Variants in KCNJ16 observed in about 807,000 individuals in gnomAD.
KCNJ16 encodes the protein inward rectifier potassium channel 16.
A neutral mutation model predicts 18.5 loss-of-function variants in KCNJ16; 15 were observed. That is an observed-to-expected ratio of 0.81 (90% CI 0.54 to 1.25). The LOEUF is 1.25. KCNJ16 is among the 50% of genes most tolerant of loss of function. The pLI is 0.00. For synonymous variants in KCNJ16, 174 were observed against 186.5 expected, an observed-to-expected ratio of 0.93 and a Z score of 0.55; for missense variants, 523 against 525.7, an observed-to-expected ratio of 0.99 and a Z score of 0.05.
At chr17:70,122,519 A>G (rs1598169731) in intron 2 of KCNJ16, among the ~76,000 whole-genome samples, 1 of 152,244 alleles carries the variant, frequency 6.6e-6, no homozygotes, top group South Asian at 2.1e-4. Flanking sequence ...ATTTTCACTG[A>G]TTTTTGTTGT....
chr17:70,076,580 C>T (rs112596226), intron 1 of KCNJ16, among the ~76,000 whole-genome samples: 6,539 of 152,158 alleles, frequency 0.043, 120 homozygotes, highest in Middle Eastern at 0.061. Flanking sequence ...AGACTGACAA[C>T]CTTTGAAACT....
intron 1 of KCNJ16, among the ~76,000 whole-genome samples, chr17:70,092,495 TA>T (rs1184620855): frequency 2.8e-5 from 1 of 35,842 alleles, no homozygotes. Context: ...AACCAATAGA[TA>T]GATAGATAGA....
At chr17:70,102,591 A>T (rs533475582) in intron 2 of KCNJ16, among the ~76,000 whole-genome samples, 2 of 152,300 alleles carry the variant, frequency 1.3e-5, no homozygotes, top group South Asian at 2.1e-4. Context: ...TAACTAAAAA[A>T]ATCAGTTGGC....
At chr17:70,112,881 C>T (rs1248157317) in intron 2 of KCNJ16, among the ~76,000 whole-genome samples, 3 of 152,140 alleles carry the variant, frequency 2.0e-5, no homozygotes, top group Admixed American at 2.0e-4. Flanking sequence ...GTTCTGGATG[C>T]AGGAAACCTA....
intron 1 of KCNJ16, among the ~76,000 whole-genome samples, chr17:70,076,639 C>T (rs1375790170): frequency 6.6e-6 from 1 of 152,092 alleles, no homozygotes; most frequent in African/African-American, 2.4e-5. Flanking sequence ...TATTTTAATG[C>T]ATTTTTCTCA....
chr17:70,130,972 A>C lies in KCNJ16; in HGVS notation c.-97A>C. ...GGCCTATTATACCATGGATGCTAAA[A>C]ATGGTAAGAGCTGCATGTTCTGCCT... On this transcript the variant is annotated 5_prime_UTR_variant, in exon 3 of 4. Transcript: ENST00000392671. The C allele has an allele frequency of 2.0e-6, 3 of 1,535,756 alleles. No homozygotes were observed.
intron 1 of KCNJ16, among the ~76,000 whole-genome samples, chr17:70,079,974 A>T (rs866107034): frequency 1.3e-5 from 2 of 152,342 alleles, no homozygotes; most frequent in Middle Eastern, 6.8e-3. Flanking sequence ...AAGTGCTGGG[A>T]TTACAGGCGT....
intron 1 of KCNJ16, among the ~76,000 whole-genome samples, chr17:70,100,342 T>C (rs992430500): frequency 5.9e-5 from 9 of 152,228 alleles, no homozygotes; most frequent in Admixed American, 2.6e-4. Flanking sequence ...ATCAGAAGAA[T>C]AGTGGTACAG....
intron 1 of KCNJ16, among the ~76,000 whole-genome samples, chr17:70,079,991 C>A (rs894232482): frequency 2.0e-5 from 3 of 152,196 alleles, no homozygotes; most frequent in Non-Finnish European, 4.4e-5. Flanking sequence ...GCGTGAGCAA[C>A]CACATCTGGC....
intron 2 of KCNJ16, among the ~76,000 whole-genome samples, chr17:70,127,401 A>G (rs2073891688): frequency 6.6e-6 from 1 of 152,118 alleles, no homozygotes. Context: ...ATGTCTTAGG[A>G]GGATTCCAGG....
chr17:70,115,279 T>C (rs1409466227), intron 2 of KCNJ16, among the ~76,000 whole-genome samples: 3 of 152,122 alleles, frequency 2.0e-5, no homozygotes, highest in Non-Finnish European at 1.5e-5. Context: ...CACTATACTA[T>C]ACTGCTTGTA....
Position 70,132,113 on chromosome 17 carries a change from AT to A in KCNJ16, c.27del (p.His9GlnfsTer18). The A allele has an allele frequency of 6.2e-7, 1 of 1,614,254 alleles. No homozygotes were observed. The highest frequency in any genetic ancestry group is 8.5e-7 in the Non-Finnish European group (1 of 1,180,038). MSYYGSSY[H>X]IINADAKYPG... Reference sequence around the variant, plus strand: ...ATGAGCTATTACGGCAGCAGCTATCATATTATCAATGCGGACGCAAAATACC... The same window carrying A: ...ATGAGCTATTACGGCAGCAGCTATCAATTATCAATGCGGACGCAAAATACC... On this transcript the variant is annotated frameshift_variant, in exon 4 of 4. Transcript: ENST00000392671. LOFTEE classifies it high-confidence loss of function.
intron 2 of KCNJ16, among the ~76,000 whole-genome samples, chr17:70,119,836 C>T (rs1205360701): frequency 6.6e-6 from 1 of 151,372 alleles, no homozygotes; most frequent in African/African-American, 2.5e-5. Context: ...CACTTGGCTC[C>T]CTTTTAGTTA....
chr17:70,130,790 A>AT, intron 2 of KCNJ16, 89 bp from the exon 3 acceptor site: 1 of 647,190 alleles, frequency 1.5e-6, no homozygotes, highest in Non-Finnish European at 2.7e-6. Context: ...CCCATCTAGC[A>AT]CAGGTAGACT....
chr17:70,131,962 A>C, intron 3 of KCNJ16, 33 bp from the exon 4 acceptor site: 2 of 1,523,752 alleles, frequency 1.3e-6, no homozygotes, highest in South Asian at 1.2e-5. Context: ...ATTGAAAGCT[A>C]AAAAGTGTGT....
chr17:70,103,553 T>A (rs1004919926), intron 2 of KCNJ16, among the ~76,000 whole-genome samples: 4 of 151,916 alleles, frequency 2.6e-5, no homozygotes, highest in Admixed American at 1.3e-4. Context: ...TTTTTCTCAG[T>A]CTTCTTAGTT....
At chr17:70,076,291 A>C (rs1320063865) in intron 1 of KCNJ16, among the ~76,000 whole-genome samples, 1 of 152,182 alleles carries the variant, frequency 6.6e-6, no homozygotes, top group East Asian at 1.9e-4. Flanking sequence ...TTGTTACTTT[A>C]GTATGGGAAA....
chr17:70,133,523 A>C lies in KCNJ16; in HGVS notation c.*179A>C. On this transcript the variant is annotated 3_prime_UTR_variant, in exon 4 of 4. Transcript: ENST00000392671. ...AAAATTCCATAGTTCTCAGTTATTA[A>C]AATTTTTCTTGTTCGCCAATTTTGT... 1.8e-6 allele frequency: 1 copy of C among 562,788 alleles called. No homozygotes were observed. The highest frequency in any genetic ancestry group is 3.8e-5 in the South Asian group (1 of 26,638). 34.9% of individuals were successfully genotyped at this position (562,788 alleles called of 1,614,324 possible).
At chr17:70,104,913 T>C (rs925078609) in intron 2 of KCNJ16, 2 of 152,614 alleles carry the variant, frequency 1.3e-5, no homozygotes, top group African/African-American at 4.8e-5. Context: ...AAGAGAGAGA[T>C]TCTCCTGTGG....
Sources: gnomAD v4.1 joint callset for allele counts (sites outside exome capture counted in the v4.1 genomes callset) on GRCh38, gnomAD v4.1.1 for gene constraint, MANE v1.5 for transcripts, NCBI Gene and HGNC (gene_info 2026-07-23, HGNC 2026-07-21) for gene names.